Variants in C9orf85 observed in about 807,000 individuals in gnomAD.
C9orf85 encodes uncharacterized protein C9orf85.
A neutral mutation model predicts 14.9 loss-of-function variants in C9orf85; 16 were observed. The observed-to-expected ratio is 1.08, with a 90% CI of 0.73 to 1.63. C9orf85 has a LOEUF of 1.63. Among genes scored for constraint, C9orf85 ranks in the 40% most tolerant of loss-of-function variants. C9orf85 has a pLI of 0.00. For synonymous variants in C9orf85, 45 were observed against 56.8 expected, an observed-to-expected ratio of 0.79 and a Z score of 0.93; for missense variants, 172 against 186.1, an observed-to-expected ratio of 0.92 and a Z score of 0.44.
At chr9:71,964,363 C>G (rs1201586808) in intron 2 of C9orf85, among the ~76,000 whole-genome samples, 2 of 152,070 alleles carry the variant, frequency 1.3e-5, no homozygotes, top group Admixed American at 1.3e-4. Context: ...ACTGTGGAAG[C>G]TTGGTTCTTT....
intron 1 of C9orf85, among the ~76,000 whole-genome samples, chr9:71,946,333 A>G (rs1822084591): frequency 6.6e-6 from 1 of 152,156 alleles, no homozygotes; most frequent in South Asian, 2.1e-4. Context: ...CACGGGGAGG[A>G]TTTGAATTGT....
chr9:71,974,550 T>G (rs550074900), downstream of C9orf85, among the ~76,000 whole-genome samples: 2 of 152,166 alleles, frequency 1.3e-5, no homozygotes. Flanking sequence ...GCCCATAGTT[T>G]GTTTTTTCTA....
chr9:71,943,974 G>C (rs1441536846), intron 1 of C9orf85, among the ~76,000 whole-genome samples: 1 of 150,684 alleles, frequency 6.6e-6, no homozygotes, highest in Non-Finnish European at 1.5e-5. Flanking sequence ...GGTGGCTCAC[G>C]CCTATAATCC....
intron 1 of C9orf85, among the ~76,000 whole-genome samples, chr9:71,919,585 A>G (rs1482993004): frequency 6.6e-6 from 1 of 152,182 alleles, no homozygotes; most frequent in Admixed American, 6.5e-5. Context: ...TAAATTTAAC[A>G]TATTTTTTCA....
At chr9:71,979,761 C>G (rs1398996935) in intron 3 of C9orf85, among the ~76,000 whole-genome samples, 1 of 152,124 alleles carries the variant, frequency 6.6e-6, no homozygotes, top group African/African-American at 2.4e-5. Flanking sequence ...TGATATCACA[C>G]ACACACCAAG....
intron 1 of C9orf85, among the ~76,000 whole-genome samples, chr9:71,919,120 C>T (rs1827729156): frequency 6.6e-6 from 1 of 152,082 alleles, no homozygotes; most frequent in South Asian, 2.1e-4. Context: ...GTTGTGATGC[C>T]TGACACTGTA....
intron 2 of C9orf85, among the ~76,000 whole-genome samples, chr9:71,961,287 C>T (rs144798708): frequency 0.015 from 2,225 of 152,066 alleles, 33 homozygotes; most frequent in Middle Eastern, 0.027. Flanking sequence ...CACGGCCAGG[C>T]GCAGTGGCTC....
chr9:71,949,477 C>G (rs1174539268), intron 2 of C9orf85, among the ~76,000 whole-genome samples: 4 of 151,898 alleles, frequency 2.6e-5, no homozygotes, highest in Non-Finnish European at 5.9e-5. Context: ...GACTCCATCT[C>G]CAAAAAAAAA....
chr9:71,967,055 A>G (rs1160338415), intron 2 of C9orf85, among the ~76,000 whole-genome samples: 1 of 152,132 alleles, frequency 6.6e-6, no homozygotes, highest in Non-Finnish European at 1.5e-5. Flanking sequence ...TTCTTTTAAG[A>G]GTGTGTTTTG....
intron 2 of C9orf85, 141 bp from the exon 3 acceptor site, chr9:71,971,364 T>C: frequency 6.6e-6 from 3 of 451,898 alleles, no homozygotes; most frequent in African/African-American, 6.1e-5. Context: ...TAATTTAGAG[T>C]GACATAAGAT....
intron 2 of C9orf85, among the ~76,000 whole-genome samples, chr9:71,968,686 C>G (rs1326318089): frequency 6.6e-6 from 1 of 152,142 alleles, no homozygotes; most frequent in East Asian, 1.9e-4. Flanking sequence ...AGCACTCAAA[C>G]ATAAATTTTC....
chr9:71,921,822 T>C (rs1284498088), intron 1 of C9orf85, among the ~76,000 whole-genome samples: 2 of 152,222 alleles, frequency 1.3e-5, no homozygotes, highest in Admixed American at 6.5e-5. Context: ...TAGGATTCTT[T>C]AGTTGCTAAC....
intron 2 of C9orf85, among the ~76,000 whole-genome samples, chr9:71,952,411 C>T (rs1410056065): frequency 6.6e-6 from 1 of 152,152 alleles, no homozygotes; most frequent in Non-Finnish European, 1.5e-5. Flanking sequence ...GTCGCCCAGG[C>T]TGTAGTGCAG....
intron 1 of C9orf85, among the ~76,000 whole-genome samples, chr9:71,918,217 A>G (rs1386703264): frequency 6.6e-6 from 1 of 152,166 alleles, no homozygotes; most frequent in African/African-American, 2.4e-5. Flanking sequence ...AACCACCTAG[A>G]TGTTTTAAAG....
rs535991488 is a variant in C9orf85 at position 71,965,545 on chromosome 9, TGAGTAGCTGG to T, written c.210-5957_210-5948del. Reference sequence around the variant, plus strand: ...CAAGTGATCATCCCACCTCAGCCTCTGAGTAGCTGGGACTACTACACTCTGGTAGGTGGTG... The same window carrying T: ...CAAGTGATCATCCCACCTCAGCCTCTGACTACTACACTCTGGTAGGTGGTG... On this transcript the variant is annotated intron_variant, in intron 2 of 3. Coordinates refer to ENST00000334731, the MANE Select transcript of C9orf85 (RefSeq NM_182505.5). Among the ~76,000 whole-genome samples the T allele has an allele frequency of 3.5e-3, 531 of 152,288 alleles. 3 individuals are homozygous for T. Among genetic ancestry groups the T allele is most frequent in the African/African-American group, 0.012 (504 of 41,566 alleles).
At chr9:71,965,051 T>C (rs193242497) in intron 2 of C9orf85, among the ~76,000 whole-genome samples, 1 of 152,104 alleles carries the variant, frequency 6.6e-6, no homozygotes, top group African/African-American at 2.4e-5. Flanking sequence ...CAAACAGCAG[T>C]GGTGGACAAT....
In C9orf85 at chr9:71,911,770, A is replaced by G. The variant is rs754301729; in HGVS notation, c.36A>G (p.Arg12=). Residue 12 remains arginine (R), a synonymous_variant, in exon 1 of 4, where the codon AGA becomes AGG. Coordinates refer to ENST00000334731, the MANE Select transcript of C9orf85 (RefSeq NM_182505.5). ...AGAAAGGCAACGTGGCTCGTTCCAGACCTCAGAAGCACCAGAATACGTTTA... is the reference window on the plus strand; with the variant it reads ...AGAAAGGCAACGTGGCTCGTTCCAGGCCTCAGAAGCACCAGAATACGTTTA... ...SSQKGNVARS[R]PQKHQNTFSF... 3.1e-6 allele frequency: 5 copies of G among 1,614,082 alleles called. No individual in the cohort carries two copies. The South Asian group carries it at 4.4e-5, about 14-fold the overall frequency.
chr9:71,936,581 C>T (rs987575908), intron 1 of C9orf85, among the ~76,000 whole-genome samples: 3 of 151,948 alleles, frequency 2.0e-5, no homozygotes, highest in Non-Finnish European at 4.4e-5. Flanking sequence ...TTTCCATTTA[C>T]ATGAGTTTTT....
downstream of C9orf85, among the ~76,000 whole-genome samples, chr9:71,975,789 G>A (rs1008917443): frequency 3.9e-5 from 6 of 152,326 alleles, no homozygotes; most frequent in East Asian, 1.9e-4. Flanking sequence ...CCAAGATAGC[G>A]CTATTGCACT....
Sources: gnomAD v4.1 joint callset for allele counts (sites outside exome capture counted in the v4.1 genomes callset) on GRCh38, gnomAD v4.1.1 for gene constraint, MANE v1.5 for transcripts, NCBI Gene and HGNC (gene_info 2026-07-23, HGNC 2026-07-21) for gene names.